Variants in PCCB observed in about 807,000 individuals in gnomAD.
The protein encoded by PCCB is propionyl-CoA carboxylase subunit beta, also known as propionyl-CoA carboxylase beta chain, mitochondrial.
A neutral mutation model predicts 60.7 loss-of-function variants in PCCB; 43 were observed. The observed-to-expected ratio is 0.71, with a 90% CI of 0.55 to 0.91. The LOEUF is 0.91. Ranked by LOEUF, PCCB falls within the 40% of genes least tolerant of loss-of-function variation. PCCB has a pLI of 0.00. For missense variants in PCCB, 766 were observed against 702.8 expected, an observed-to-expected ratio of 1.09 and a Z score of -1.02; for synonymous variants, 276 against 255.9, an observed-to-expected ratio of 1.08 and a Z score of -0.75.
intron 14 of PCCB, 115 bp from the exon 15 acceptor site, chr3:136,329,780 CTGTATCAGGT>C: frequency 1.0e-6 from 1 of 987,750 alleles, no homozygotes. Context: ...CCTACCATCT[CTGTATCAGGT>C]TGGGCACTGC....
rs1336926636 is a variant in PCCB, at chr3:136,305,566, C to T, written c.966+4455C>T. Among the ~76,000 whole-genome samples the T allele has an allele frequency of 2.1e-4, 24 of 116,672 alleles. 3 individuals are homozygous for T. The highest frequency in any genetic ancestry group is 4.1e-4 in the African/African-American group (16 of 39,070). The allele number at this position is 116,672 out of a possible 152,430, so 76.5% of individuals were successfully genotyped here. On this transcript the variant is annotated intron_variant, in intron 9 of 14. Transcript: ENST00000251654. Reference sequence around the variant, plus strand: ...GAGTTCGAGACCAGCTTGACCAACACGGTGAAAACCTGTCTCTATTGAAAA... The same window carrying T: ...GAGTTCGAGACCAGCTTGACCAACATGGTGAAAACCTGTCTCTATTGAAAA...
At chr3:136,254,498 G>A (rs1292246) in intron 1 of PCCB, among the ~76,000 whole-genome samples, 1 of 140,894 alleles carries the variant, frequency 7.1e-6, no homozygotes, top group African/African-American at 2.6e-5. Flanking sequence ...GGGATTACAG[G>A]TGTGAGCCAC....
chr3:136,301,835 A>C (rs1934296808), intron 9 of PCCB, among the ~76,000 whole-genome samples: 1 of 152,188 alleles, frequency 6.6e-6, no homozygotes, highest in Non-Finnish European at 1.5e-5. Flanking sequence ...ATGTAACCTT[A>C]AGGTCTTCCT....
chr3:136,293,192 TG>T (rs1004274936), intron 6 of PCCB, among the ~76,000 whole-genome samples: 1 of 152,170 alleles, frequency 6.6e-6, no homozygotes, highest in African/African-American at 2.4e-5. Flanking sequence ...TTATGGAGAC[TG>T]GGTCTCGCTA....
intron 1 of PCCB, chr3:136,255,526 G>T: frequency 2.8e-6 from 1 of 357,840 alleles, no homozygotes; most frequent in South Asian, 2.4e-5. Context: ...TGGCTCCTTA[G>T]GTCTCCAGTA....
At chr3:136,320,057 G>T (rs140719683) in intron 10 of PCCB, among the ~76,000 whole-genome samples, 1 of 152,200 alleles carries the variant, frequency 6.6e-6, no homozygotes, top group African/African-American at 2.4e-5. Flanking sequence ...CTGTTGGTCT[G>T]TATGTCTGTC....
intron 5 of PCCB, among the ~76,000 whole-genome samples, chr3:136,272,542 G>T (rs2108165110): frequency 6.6e-6 from 1 of 151,996 alleles, no homozygotes; most frequent in South Asian, 2.1e-4. Context: ...GCTTGTTTTT[G>T]GTCTGTTCAG....
chr3:136,269,977 A>T (rs1576414020), intron 5 of PCCB, among the ~76,000 whole-genome samples: 1 of 146,430 alleles, frequency 6.8e-6, no homozygotes, highest in South Asian at 2.2e-4. Context: ...ATTAAGCATG[A>T]TGTTAACTGG....
intron 9 of PCCB, among the ~76,000 whole-genome samples, chr3:136,301,739 C>T (rs1445819015): frequency 2.0e-5 from 3 of 152,184 alleles, no homozygotes; most frequent in South Asian, 4.2e-4. Context: ...CAGATTCTCC[C>T]TCTTCCCTAG....
chr3:136,263,831 G>C (rs911948552), intron 5 of PCCB, among the ~76,000 whole-genome samples: 1 of 152,062 alleles, frequency 6.6e-6, no homozygotes, highest in Non-Finnish European at 1.5e-5. Context: ...GGCCAACATG[G>C]TGAAATCCTG....
At chr3:136,263,361 G>A (rs890412743) in intron 5 of PCCB, among the ~76,000 whole-genome samples, 1 of 151,726 alleles carries the variant, frequency 6.6e-6, no homozygotes, top group African/African-American at 2.4e-5. Context: ...AGCCTCCTGG[G>A]CTCAAGCGAT....
chr3:136,273,873 C>T (rs1332805269), intron 5 of PCCB, among the ~76,000 whole-genome samples: 1 of 128,586 alleles, frequency 7.8e-6, no homozygotes, highest in African/African-American at 2.9e-5. Flanking sequence ...GGTTGCACCA[C>T]TGCACTCCAG....
chr3:136,256,426 T>G, intron 2 of PCCB, 129 bp from the exon 3 acceptor site: 1 of 724,500 alleles, frequency 1.4e-6, no homozygotes, highest in Non-Finnish European at 2.5e-6. Context: ...GATTCCTTCA[T>G]GTTCCTTGTT....
intron 5 of PCCB, among the ~76,000 whole-genome samples, chr3:136,268,009 CTA>C (rs1427264111): frequency 7.7e-6 from 1 of 129,152 alleles, no homozygotes; most frequent in Non-Finnish European, 1.6e-5. Flanking sequence ...TGCAATGGCG[CTA>C]TCTCAGGGAT....
chr3:136,299,538 G>GTGTA lies in PCCB; in HGVS notation c.884+1468_884+1471dup, dbSNP rs761343690. ...TGCATGTGTATGTATGTATATGCATGTGTATAGGTATGCATGTGTATGTAT... is the reference window on the plus strand; with the variant it reads ...TGCATGTGTATGTATGTATATGCATGTGTATGTATAGGTATGCATGTGTATGTAT... On this transcript the variant is annotated intron_variant, in intron 8 of 14. Transcript: ENST00000251654. Among the ~76,000 whole-genome samples, 48 of 70,404 alleles carry GTGTA rather than the reference G, an allele frequency of 6.8e-4. 2 individuals are homozygous for GTGTA. The highest frequency in any genetic ancestry group is 1.5e-3 in the African/African-American group (16 of 10,808). The allele number at this position is 70,404 out of a possible 152,430, so 46.2% of individuals were successfully genotyped here. A position where few individuals can be genotyped will look rare whatever the true frequency, so the allele number is the denominator to read the frequency against.
intron 8 of PCCB, 43 bp from the exon 9 acceptor site, chr3:136,300,987 G>A (rs1394482415): frequency 2.7e-6 from 4 of 1,456,680 alleles, no homozygotes; most frequent in South Asian, 1.1e-5. Flanking sequence ...AAGGTAACTG[G>A]CTCTTCCTAT....
chr3:136,281,216 C>A (rs972347541), intron 5 of PCCB, among the ~76,000 whole-genome samples: 1 of 151,786 alleles, frequency 6.6e-6, no homozygotes, highest in Non-Finnish European at 1.5e-5. Context: ...AAATCTTTGA[C>A]CCTTTCTTTC....
intron 11 of PCCB, 111 bp from the exon 12 acceptor site, chr3:136,327,044 G>C (rs1935342848): frequency 6.1e-6 from 7 of 1,153,454 alleles, no homozygotes; most frequent in Middle Eastern, 3.9e-4. Flanking sequence ...CAGAAGATAG[G>C]GCTGTGTAAG....
chr3:136,326,535 G>T (rs963626857), intron 10 of PCCB: 2 of 647,216 alleles, frequency 3.1e-6, no homozygotes, highest in African/African-American at 1.8e-5. Flanking sequence ...CGGCAAGGCC[G>T]GCTGTGTCTC....
Sources: allele counts gnomAD v4.1 joint callset (sites outside exome capture counted in the v4.1 genomes callset), GRCh38; gene constraint gnomAD v4.1.1; transcripts MANE v1.5; gene names NCBI Gene and HGNC (gene_info 2026-07-23, HGNC 2026-07-21).